PCBP3: variants seen among roughly 807,000 people sequenced by gnomAD.
PCBP3 encodes poly(rC) binding protein 3.
A neutral mutation model predicts 52.7 loss-of-function variants in PCBP3; 25 were observed. The observed-to-expected ratio is 0.47, with a 90% CI of 0.35 to 0.66. The LOEUF is 0.66. PCBP3 is among the 30% of genes least tolerant of loss of function. The pLI, the probability that PCBP3 is intolerant of heterozygous loss-of-function variation, is 0.01. For synonymous variants in PCBP3, 162 were observed against 183.0 expected, an observed-to-expected ratio of 0.89 and a Z score of 0.93; for missense variants, 391 against 490.3, an observed-to-expected ratio of 0.80 and a Z score of 1.91.
chr21:45,743,041 A>C (rs1344413891), intron 3 of PCBP3, among the ~76,000 whole-genome samples: 2 of 152,202 alleles, frequency 1.3e-5, no homozygotes, highest in Non-Finnish European at 2.9e-5. Context: ...ATAGTTTCCT[A>C]TATAGAAAGG....
rs1569226997 is a variant in PCBP3, at chr21:45,790,671, G to A, written c.-126+35219G>A. On this transcript the variant is annotated intron_variant, in intron 4 of 17. Coordinates refer to ENST00000681687, the MANE Select transcript of PCBP3 (RefSeq NM_001384156.1). The stretch of plus-strand genomic sequence containing the variant: ...GTGGCCAGCGAGGGACCCAGGAGAC[G>A]CAAAAGCTGAGGGCAGTGCCTCATC... Among the ~76,000 whole-genome samples the A allele has an allele frequency of 3.3e-5, 5 of 152,246 alleles. No homozygotes were observed. The South Asian group carries it at 8.3e-4, about 25-fold the overall frequency.
At chr21:45,822,832 A>G (rs1296423848) in intron 4 of PCBP3, among the ~76,000 whole-genome samples, 1 of 152,178 alleles carries the variant, frequency 6.6e-6, no homozygotes, top group African/African-American at 2.4e-5. Context: ...TTTTCAGGCT[A>G]TCCCTCTGCT....
At chr21:45,795,331 CCTTT>C in intron 4 of PCBP3, among the ~76,000 whole-genome samples, 1 of 150,508 alleles carries the variant, frequency 6.6e-6, no homozygotes. Context: ...TTTTTTTTCC[CCTTT>C]CCTTTCTTTT....
intron 4 of PCBP3, among the ~76,000 whole-genome samples, chr21:45,775,241 G>A (rs1304400670): frequency 6.6e-6 from 1 of 151,562 alleles, no homozygotes. Flanking sequence ...GTCTTGGCAG[G>A]TTGTATACTT....
rs184008998 is a variant in PCBP3 at position 45,933,088 on chromosome 21, T to G, written c.857-2165T>G. Among the ~76,000 whole-genome samples, 5 of 152,066 alleles carry G rather than the reference T, an allele frequency of 3.3e-5. 1 individual carries two copies. Among genetic ancestry groups the G allele is most frequent in the Admixed American group, 3.3e-4 (5 of 15,290 alleles). On this transcript the variant is annotated intron_variant, in intron 15 of 17. Coordinates refer to ENST00000681687, the MANE Select transcript of PCBP3 (RefSeq NM_001384156.1). ...ACACATCGGCCACGCCGTCTTGAGA[T>G]GAATGAACACATCGGCCATGCCATC...
intron 9 of PCBP3, among the ~76,000 whole-genome samples, chr21:45,909,081 C>A (rs1024511175): frequency 6.6e-5 from 10 of 152,102 alleles, no homozygotes; most frequent in African/African-American, 1.4e-4. Flanking sequence ...CCCCTTCCCA[C>A]CAGGTCTCCA....
intron 5 of PCBP3, among the ~76,000 whole-genome samples, chr21:45,850,688 T>C (rs2093961416): frequency 6.6e-6 from 1 of 152,212 alleles, no homozygotes; most frequent in African/African-American, 2.4e-5. Flanking sequence ...TTAAGCAATA[T>C]AATAAATAAG....
chr21:45,898,031 C>T (rs894044695), intron 6 of PCBP3, among the ~76,000 whole-genome samples: 22 of 152,290 alleles, frequency 1.4e-4, no homozygotes, highest in African/African-American at 5.1e-4. Context: ...CGGGAAGACA[C>T]GGCCTCCTCC....
intron 6 of PCBP3, among the ~76,000 whole-genome samples, chr21:45,898,854 T>C (rs113826911): frequency 0.021 from 577 of 26,866 alleles, no homozygotes; most frequent in Non-Finnish European, 0.027. Context: ...CCTCCCTCTC[T>C]CTCCACGGGC....
rs1339518484 is a variant in PCBP3, at chr21:45,817,139, C to CT, written c.-125-32821dup. ...TGTTTGTTGTTTTTGGTTTTTATTT[C>CT]TGCAGGCATCTAATTTACCGAAACT... On this transcript the variant is annotated intron_variant, in intron 4 of 17. Transcript: ENST00000681687. This position sits in a 1 kb window ranked among gnomAD's most constrained non-coding sequence, Gnocchi z 4.3. Among the ~76,000 whole-genome samples, 1 of 152,142 alleles carries CT rather than the reference C, an allele frequency of 6.6e-6. No individual in the cohort carries two copies. The highest frequency in any genetic ancestry group is 1.5e-5 in the Non-Finnish European group (1 of 68,024).
chr21:45,821,832 G>T lies in PCBP3; in HGVS notation c.-125-28129G>T, dbSNP rs1396382830. Among the ~76,000 whole-genome samples, 3 of 152,174 alleles carry T rather than the reference G, an allele frequency of 2.0e-5. No homozygotes were observed. Among genetic ancestry groups the T allele is most frequent in the Non-Finnish European group, 2.9e-5 (2 of 68,036 alleles). ...CAGCAGAGCCCAGCCCTGGCCCTTC[G>T]AGCTTCCGTCCTGCAAGCACCGGCA... On this transcript the variant is annotated intron_variant, in intron 4 of 17. Transcript: ENST00000681687. The surrounding 1 kb of genome is among the most constrained non-coding windows in gnomAD (Gnocchi z 4.4).
chr21:45,820,435 C>T (rs2093098282), intron 4 of PCBP3, among the ~76,000 whole-genome samples: 1 of 152,256 alleles, frequency 6.6e-6, no homozygotes, highest in African/African-American at 2.4e-5. Flanking sequence ...TTCAGCTTGG[C>T]TGCTGTTCTC....
rs191952546 is a variant in PCBP3 at position 45,906,171 on chromosome 21, G to A, written c.340-3184G>A. 2.8e-3 allele frequency among the ~76,000 whole-genome samples: 427 copies of A among 152,264 alleles called. 3 individuals are homozygous for A. Among genetic ancestry groups the A allele is most frequent in the Middle Eastern group, 0.01 (3 of 294 alleles). Reference sequence around the variant, plus strand: ...AACATGCTCACTCTCCTGGTCTAGCGGCAGCCCTGGAGGGGCAGCGTGAAC... The same window carrying A: ...AACATGCTCACTCTCCTGGTCTAGCAGCAGCCCTGGAGGGGCAGCGTGAAC... On this transcript the variant is annotated intron_variant, in intron 9 of 17. Transcript: ENST00000681687.
intron 4 of PCBP3, among the ~76,000 whole-genome samples, chr21:45,768,976 G>C (rs764435883): frequency 6.6e-6 from 1 of 152,258 alleles, no homozygotes; most frequent in African/African-American, 2.4e-5. Flanking sequence ...CACGTGTCAG[G>C]ACTTCCAGGA....
At chr21:45,848,634 G>A (rs944557793) in intron 4 of PCBP3, among the ~76,000 whole-genome samples, 2 of 152,094 alleles carry the variant, frequency 1.3e-5, no homozygotes, top group Non-Finnish European at 2.9e-5. Flanking sequence ...TTTCATTTCT[G>A]TCCTGGGTTA....
chr21:45,902,901 T>C (rs987617613), intron 9 of PCBP3, among the ~76,000 whole-genome samples: 1 of 152,264 alleles, frequency 6.6e-6, no homozygotes, highest in African/African-American at 2.4e-5. Context: ...GAGTTGGCGA[T>C]GGGTTTCTGA....
intron 4 of PCBP3, among the ~76,000 whole-genome samples, chr21:45,813,302 A>G (rs1304406029): frequency 6.6e-6 from 1 of 152,130 alleles, no homozygotes; most frequent in Non-Finnish European, 1.5e-5. Flanking sequence ...TTCTGCTGCT[A>G]AGTCCATCCA....
At chr21:45,721,950 A>G (rs887772953) in intron 2 of PCBP3, among the ~76,000 whole-genome samples, 1 of 152,216 alleles carries the variant, frequency 6.6e-6, no homozygotes, top group Non-Finnish European at 1.5e-5. Context: ...TTGTTCAAGT[A>G]TATGAGAAGC....
In PCBP3 at chr21:45,736,508, T is replaced by G. The variant is rs886396004; in HGVS notation, c.-162+1079T>G. 1.3e-5 allele frequency among the ~76,000 whole-genome samples: 2 copies of G among 152,088 alleles called. No homozygotes were observed. The highest frequency in any genetic ancestry group is 4.8e-5 in the African/African-American group (2 of 41,384). On this transcript the variant is annotated intron_variant, in intron 3 of 17. Coordinates refer to ENST00000681687, the MANE Select transcript of PCBP3 (RefSeq NM_001384156.1). This position sits in a 1 kb window ranked among gnomAD's most constrained non-coding sequence, Gnocchi z 4.6. ...CCTACTAACTTCCAGAGATGTCAGC[T>G]GCAGCAGGGCAGCGCCCTGGTTAGA...
Sources: gnomAD v4.1 joint callset for allele counts (sites outside exome capture counted in the v4.1 genomes callset) on GRCh38, gnomAD v4.1.1 for gene constraint, Gnocchi (gnomAD v3.1) non-coding constraint, MANE v1.5 for transcripts, NCBI Gene and HGNC (gene_info 2026-07-23, HGNC 2026-07-21) for gene names.